Variants in DHX37 observed in about 807,000 individuals in gnomAD.
DHX37 encodes the protein probable ATP-dependent RNA helicase DHX37.
A neutral mutation model predicts 134.3 loss-of-function variants in DHX37; 52 were observed. That is an observed-to-expected ratio of 0.39 (90% CI 0.31 to 0.49). DHX37 has a LOEUF of 0.49. DHX37 is among the 20% of genes least tolerant of loss of function. The probability of loss-of-function intolerance (pLI) is 0.93; values close to 1 mark genes in which losing one functional copy is unlikely to be tolerated. For missense variants in DHX37, 1,344 were observed against 1,580.8 expected (o/e 0.85, Z 2.54); for synonymous variants, 634 against 670.7 (o/e 0.95, Z 0.85).
At chr12:124,967,617 C>A (rs1954417300) in intron 10 of DHX37, among the ~76,000 whole-genome samples, 2 of 152,172 alleles carry the variant, frequency 1.3e-5, no homozygotes, top group African/African-American at 4.8e-5. Context: ...TGGATGGGAG[C>A]CCCGAAAGGC....
In DHX37 at chr12:124,974,354, C is replaced by T. The variant is rs192500008; in HGVS notation, c.980+1065G>A. ...CTATGCACAGAATTGTCCAGGAGGACGTGCAGGAGATGGTCAGTGGTGGCT... is the reference window on the plus strand; with the variant it reads ...CTATGCACAGAATTGTCCAGGAGGATGTGCAGGAGATGGTCAGTGGTGGCT... On this transcript the variant is annotated intron_variant, in intron 6 of 26. Transcript: ENST00000308736. Among the ~76,000 whole-genome samples, 14 of 151,996 alleles carry T rather than the reference C, an allele frequency of 9.2e-5. No individual in the cohort carries two copies. In the East Asian group the frequency reaches 2.3e-3, roughly 25 times the overall value.
intron 3 of DHX37, among the ~76,000 whole-genome samples, 158 bp downstream of exon 3, chr12:124,982,353 A>C (rs1290099556): frequency 6.6e-6 from 1 of 152,088 alleles, no homozygotes; most frequent in Non-Finnish European, 1.5e-5. Flanking sequence ...GCCTTTACCC[A>C]CTAGAGGCAT....
At chr12:124,950,392 C>G (rs1364640772) in intron 23 of DHX37, 21 bp downstream of exon 23, 1 of 1,597,716 alleles carries the variant, frequency 6.3e-7, no homozygotes, top group Admixed American at 1.7e-5. Flanking sequence ...TCAGGTTGCC[C>G]AGGACACTGC....
rs138583236 is a variant in DHX37 at position 124,968,537 on chromosome 12, C to T, written c.1405G>A (p.Ala469Thr). ...CCTGACCTGGCCAGGGCCTCACCTGCGGGCAGCATCCGGTGGATCTTGCAG... is the reference window on the plus strand; with the variant it reads ...CCTGACCTGGCCAGGGCCTCACCTGTGGGCAGCATCCGGTGGATCTTGCAG... ...KVCKIHRMLPAGGILVFLTGQ... is the reference protein window; with the variant it reads ...KVCKIHRMLPTGGILVFLTGQ... The change falls in exon 10 of 27, where the codon GCA becomes ACA. Residue 469 changes from alanine to threonine, a missense_variant. This residue lies in a region of DHX37 where 289 missense variants were observed against 323.8 expected (regional missense o/e 0.89). Transcript: ENST00000308736. 93 of 1,612,852 alleles carry T rather than the reference C, an allele frequency of 5.8e-5. 1 individual carries two copies. The Admixed American group carries it at 8.2e-4, about 14-fold the overall frequency.
At chr12:124,952,215 A>T (rs4436644) in intron 21 of DHX37, among the ~76,000 whole-genome samples, 183 bp downstream of exon 21, 79,522 of 150,454 alleles carry the variant, frequency 0.53, 21,958 homozygotes, top group East Asian at 0.79. Flanking sequence ...AACTGTTATT[A>T]AAAAAAAAAA....
chr12:124,987,700 A>G (rs1954901824), intron 1 of DHX37, among the ~76,000 whole-genome samples: 1 of 152,222 alleles, frequency 6.6e-6, no homozygotes, highest in South Asian at 2.1e-4. Flanking sequence ...CGGCTACTAC[A>G]GGTTAAATAT....
chr12:124,960,577 C>T (rs1206470811), intron 15 of DHX37, 154 bp from the exon 16 acceptor site: 4 of 844,052 alleles, frequency 4.7e-6, no homozygotes, highest in Non-Finnish European at 5.7e-6. Context: ...GGTGCTTTAC[C>T]GCTTCCTGCC....
In DHX37 at chr12:124,980,080, C is replaced by G. The variant is rs1954724886; in HGVS notation, c.738+410G>C. Among the ~76,000 whole-genome samples, 1 of 152,260 alleles carries G rather than the reference C, an allele frequency of 6.6e-6. No individual in the cohort carries two copies. Among genetic ancestry groups the G allele is most frequent in the Non-Finnish European group, 1.5e-5 (1 of 68,044 alleles). On this transcript the variant is annotated intron_variant, in intron 4 of 26. Transcript: ENST00000308736. The surrounding 1 kb of genome is among the most constrained non-coding windows in gnomAD (Gnocchi z 5.3). ...CAGGCACAGAGAGGGGGAGCCCCTT[C>G]AGTAGCCGGAATATTCCCATTTTAC...
chr12:124,950,443 G>GC lies in DHX37; in HGVS notation c.3090dup (p.Arg1031AlafsTer29). On this transcript the variant is annotated frameshift_variant, in exon 23 of 27. Transcript: ENST00000308736. LOFTEE classifies it high-confidence loss of function. ...ACGCTGGCCCGGTGACACAGCACCC[G>GC]CCCCCGCTCGGGGCAGTATGTAGGG... 1 of 1,592,436 alleles carries GC rather than the reference G, an allele frequency of 6.3e-7. No homozygotes were observed. The highest frequency in any genetic ancestry group is 8.6e-7 in the Non-Finnish European group (1 of 1,168,784).
chr12:124,967,127 T>C lies in DHX37; in HGVS notation c.1500A>G (p.Pro500=). 6.2e-7 allele frequency: 1 copy of C among 1,613,680 alleles called. No homozygotes were observed. The highest frequency in any genetic ancestry group is 1.1e-5 in the South Asian group (1 of 91,068). ...RKAFPPSRAR[P]QEKDDDQKDS... ...TGGTCGGGGCGTCCTCTTTACCTTGTGGCCGGGCTCTGGAGGGTGGGAAAG... is the reference window on the plus strand; with the variant it reads ...TGGTCGGGGCGTCCTCTTTACCTTGCGGCCGGGCTCTGGAGGGTGGGAAAG... The change falls in exon 11 of 27, where the codon CCA becomes CCG. Residue 500 remains proline (P), a synonymous_variant. Coordinates refer to ENST00000308736, the MANE Select transcript of DHX37 (RefSeq NM_032656.4).
In DHX37 at chr12:124,982,632, G is replaced by C; in HGVS notation, c.277-9C>G. ...TGTAGCATCTCTGCTCGCTGGGAAA[G>C]GAAACGAGTGTATTATGCATTTGCC... On this transcript the variant is annotated splice_polypyrimidine_tract_variant and intron_variant, in intron 2 of 26. Coordinates refer to ENST00000308736, the MANE Select transcript of DHX37 (RefSeq NM_032656.4). 1 of 1,612,298 alleles carries C rather than the reference G, an allele frequency of 6.2e-7. No homozygotes were observed. Among genetic ancestry groups the C allele is most frequent in the Non-Finnish European group, 8.5e-7 (1 of 1,179,006 alleles).
chr12:124,977,328 T>C lies in DHX37; in HGVS notation c.887+14A>G. 6.6e-7 allele frequency: 1 copy of C among 1,515,092 alleles called. No homozygotes were observed. Among genetic ancestry groups the C allele is most frequent in the Non-Finnish European group, 8.8e-7 (1 of 1,133,704 alleles). 93.9% of individuals were successfully genotyped at this position (1,515,092 alleles called of 1,614,324 possible). A position where few individuals can be genotyped will look rare whatever the true frequency, so the allele number is the denominator to read the frequency against. On this transcript the variant is annotated intron_variant, in intron 5 of 26. Transcript: ENST00000308736. Reference sequence around the variant, plus strand: ...ACTGAGGGACCCAGAGAGAACCCTGTGTCCAGCCCCTACCTGCTGAAGCCT... The same window carrying C: ...ACTGAGGGACCCAGAGAGAACCCTGCGTCCAGCCCCTACCTGCTGAAGCCT...
chr12:124,959,450 T>C (rs2135937974), intron 16 of DHX37, among the ~76,000 whole-genome samples: 1 of 152,110 alleles, frequency 6.6e-6, no homozygotes, highest in Non-Finnish European at 1.5e-5. Context: ...CTCAAATTCC[T>C]GACCTCAACT....
chr12:124,952,754 C>T (rs75655987), intron 20 of DHX37, 184 bp from the exon 21 acceptor site: 3 of 467,890 alleles, frequency 6.4e-6, no homozygotes, highest in Non-Finnish European at 1.1e-5. Context: ...AGCCGCCCCC[C>T]CATTCCCTCC....
chr12:124,948,037 T>G, intron 26 of DHX37, 47 bp downstream of exon 26: 1 of 1,614,152 alleles, frequency 6.2e-7, no homozygotes, highest in Non-Finnish European at 8.5e-7. Context: ...CCTGCCTCAG[T>G]GACCCCATCC....
chr12:124,948,258 C>T (rs918365519), intron 25 of DHX37, 77 bp from the exon 26 acceptor site: 4 of 1,529,218 alleles, frequency 2.6e-6, no homozygotes, highest in Non-Finnish European at 3.5e-6. Flanking sequence ...GAAAGCAGGG[C>T]AGGCATCACC....
chr12:124,980,704 T>C lies in DHX37; in HGVS notation c.524A>G (p.Glu175Gly). 4 of 1,569,504 alleles carry C rather than the reference T, an allele frequency of 2.5e-6. No individual in the cohort carries two copies. In the South Asian group the frequency reaches 4.6e-5, roughly 18 times the overall value. Residue 175 changes from glutamate to glycine, a missense_variant, in exon 4 of 27, where the codon GAG becomes GGG. Physicochemically the swap from Glu to Gly is moderately conservative, Grantham distance 98. Transcript: ENST00000308736. This position sits in a 1 kb window ranked among gnomAD's most constrained non-coding sequence, Gnocchi z 5.3. ...EEEESESELE[E>G]ESELDEDPAA... ...TGGGTCCTCGTCCAGCTCCGACTCCTCCTCCAGCTCCGATTCCGACTCCTC... is the reference window on the plus strand; with the variant it reads ...TGGGTCCTCGTCCAGCTCCGACTCCCCCTCCAGCTCCGATTCCGACTCCTC...
Position 124,958,633 on chromosome 12 carries a change from C to CT in DHX37, c.2158-1499dup, listed in dbSNP as rs985116067. 3.0e-4 allele frequency among the ~76,000 whole-genome samples: 45 copies of CT among 147,766 alleles called. No homozygotes were observed. The East Asian group carries it at 3.7e-3, about 12-fold the overall frequency. ...CTTGGCATCCATGATTCTTTTTTTTCTTTTTTTTTGTGAGATGGAGTCTTG... is the reference window on the plus strand; with the variant it reads ...CTTGGCATCCATGATTCTTTTTTTTCTTTTTTTTTTGTGAGATGGAGTCTTG... On this transcript the variant is annotated intron_variant, in intron 16 of 26. Coordinates refer to ENST00000308736, the MANE Select transcript of DHX37 (RefSeq NM_032656.4).
rs537344367 is a variant in DHX37 at position 124,961,979 on chromosome 12, G to C, written c.2046-1556C>G. 2.0e-5 allele frequency among the ~76,000 whole-genome samples: 3 copies of C among 152,194 alleles called. No individual in the cohort carries two copies. In the East Asian group the frequency reaches 5.8e-4, roughly 29 times the overall value. ...AAAAAGTGGGGGTGGGTGAGGTAAGGGCACCTGTTCTCAGGACCAGGGCAG... is the reference window on the plus strand; with the variant it reads ...AAAAAGTGGGGGTGGGTGAGGTAAGCGCACCTGTTCTCAGGACCAGGGCAG... On this transcript the variant is annotated intron_variant, in intron 15 of 26. Transcript: ENST00000308736.
Sources: gnomAD v4.1 joint callset for allele counts (sites outside exome capture counted in the v4.1 genomes callset) on GRCh38, gnomAD v4.1.1 for gene constraint, gnomAD v4.1.1 regional missense constraint, Gnocchi (gnomAD v3.1) non-coding constraint, MANE v1.5 for transcripts, NCBI Gene and HGNC (gene_info 2026-07-23, HGNC 2026-07-21) for gene names.